The following AGTRAP variants were observed in gnomAD, a reference collection of about 807,000 sequenced individuals.
AGTRAP encodes the protein angiotensin II receptor associated protein.
In AGTRAP, 7 loss-of-function variants were observed where a neutral mutation model predicts 15.2. The ratio of observed to expected loss-of-function variants is 0.46; its 90% CI spans 0.26 to 0.87. The LOEUF (loss-of-function observed/expected upper bound fraction) is 0.87. Among genes scored for constraint, AGTRAP ranks in the 40% least tolerant of loss-of-function variants. AGTRAP has a pLI of 0.15. For missense variants in AGTRAP, 187 were observed against 213.4 expected (o/e 0.88, Z 0.77); for synonymous variants, 74 against 89.6 (o/e 0.83, Z 0.98).
intron 1 of AGTRAP, among the ~76,000 whole-genome samples, chr1:11,743,563 TC>T (rs1642086607): frequency 1.5e-5 from 2 of 137,518 alleles, no homozygotes; most frequent in Non-Finnish European, 3.2e-5. Flanking sequence ...CCTTTTTCTT[TC>T]TTTCCTTTTT....
intron 1 of AGTRAP, among the ~76,000 whole-genome samples, chr1:11,736,630 T>C (rs368596807): frequency 5.9e-5 from 9 of 152,198 alleles, no homozygotes; most frequent in African/African-American, 1.9e-4. Context: ...GGGACTGGGC[T>C]TGCCCCCCGG....
Position 11,739,685 on chromosome 1 carries a change from C to T in AGTRAP, c.27+3450C>T, listed in dbSNP as rs534680204. 2.1e-4 allele frequency among the ~76,000 whole-genome samples: 32 copies of T among 152,346 alleles called. No individual in the cohort carries two copies. The South Asian group carries it at 2.3e-3, about 11-fold the overall frequency. On this transcript the variant is annotated intron_variant, in intron 1 of 4. Coordinates refer to ENST00000314340, the MANE Select transcript of AGTRAP (RefSeq NM_020350.5). ...GCCTCAGTTCTACCCCATACAGTTA[C>T]ACGGATGACATGAGTTAGGGGCAGT...
intron 1 of AGTRAP, among the ~76,000 whole-genome samples, chr1:11,737,003 A>G (rs1264522267): frequency 6.6e-6 from 1 of 152,056 alleles, no homozygotes; most frequent in Non-Finnish European, 1.5e-5. Context: ...CTTGGACCAA[A>G]CCGGCCATTT....
intron 2 of AGTRAP, chr1:11,746,249 A>C: frequency 6.4e-7 from 1 of 1,565,508 alleles, no homozygotes; most frequent in East Asian, 2.3e-5. Context: ...TGTAACCATC[A>C]TGATTCACGA....
At position 11,750,313 on chromosome 1, in the gene AGTRAP, T is replaced by C. The variant is rs1294955941; in HGVS notation, c.*121T>C. 1 of 931,614 alleles carries C rather than the reference T, an allele frequency of 1.1e-6. No homozygotes were observed. Among genetic ancestry groups the C allele is most frequent in the Admixed American group, 2.0e-5 (1 of 50,246 alleles). 57.7% of individuals were successfully genotyped at this position (931,614 alleles called of 1,614,324 possible). On this transcript the variant is annotated 3_prime_UTR_variant, in exon 5 of 5. Transcript: ENST00000314340. ...ATGGAATGTGTCCCCAGCTCAGGGA[T>C]TGCCTGAACCAAGAGGCCAGGAGCC... is the stretch of plus-strand genomic sequence containing the variant.
intron 1 of AGTRAP, among the ~76,000 whole-genome samples, chr1:11,741,036 A>C (rs1642018782): frequency 6.6e-6 from 1 of 151,922 alleles, no homozygotes; most frequent in Non-Finnish European, 1.5e-5. Flanking sequence ...AATCGTCCTC[A>C]TGCCCAGCCC....
At position 11,750,344 on chromosome 1, in the gene AGTRAP, G is replaced by A; in HGVS notation, c.*152G>A. ...GAACCAAGAGGCCAGGAGCCCCCAT[G>A]GGCCGCCCAGTACCATGCACACTCC... On this transcript the variant is annotated 3_prime_UTR_variant, in exon 5 of 5. Transcript: ENST00000314340. The A allele has an allele frequency of 1.3e-6, 1 of 745,118 alleles. No homozygotes were observed. Among genetic ancestry groups the A allele is most frequent in the Non-Finnish European group, 2.3e-6 (1 of 427,174 alleles). The allele number at this position is 745,118 out of a possible 1,614,324, so 46.2% of individuals were successfully genotyped here.
At chr1:11,748,179 A>G (rs17875949) in intron 3 of AGTRAP, among the ~76,000 whole-genome samples, 6,525 of 152,228 alleles carry the variant, frequency 0.043, 366 homozygotes, top group African/African-American at 0.12. Flanking sequence ...ATGACGGGAA[A>G]TGGGTGGGGA....
In AGTRAP at chr1:11,749,963, G is replaced by C. The variant is rs1642273790; in HGVS notation, c.365-114G>C. 6.9e-6 allele frequency: 5 copies of C among 725,624 alleles called. No homozygotes were observed. The Admixed American group carries it at 8.5e-5, about 12-fold the overall frequency. 44.9% of individuals were successfully genotyped at this position (725,624 alleles called of 1,614,324 possible). ...GCTGCTGCCTCTGTCTCTGTGCATG[G>C]TGTCAGGATGCCCAGCCCGAGGGTG... On this transcript the variant is annotated intron_variant, in intron 4 of 4. Coordinates refer to ENST00000314340, the MANE Select transcript of AGTRAP (RefSeq NM_020350.5).
rs1172241429 is a variant in AGTRAP, at chr1:11,747,470, C to G, written c.93C>G (p.Ala31=). ...GCATTGTATTCTCAGGCTCCTATGC[C>G]TGGGCCAACTTCACCATCCTGGCCT... ...WGCIVFSGSY[A]WANFTILALG... is the part of the protein sequence containing the mutation. Residue 31 remains alanine (A), a synonymous_variant, in exon 3 of 5, where the codon GCC becomes GCG. Coordinates refer to ENST00000314340, the MANE Select transcript of AGTRAP (RefSeq NM_020350.5). 6.2e-7 allele frequency: 1 copy of G among 1,614,194 alleles called. No individual in the cohort carries two copies. The highest frequency in any genetic ancestry group is 1.1e-5 in the South Asian group (1 of 91,086).
chr1:11,739,086 G>A (rs1641965640), intron 1 of AGTRAP, among the ~76,000 whole-genome samples: 1 of 152,136 alleles, frequency 6.6e-6, no homozygotes, highest in Non-Finnish European at 1.5e-5. Flanking sequence ...ACAGGCTTTG[G>A]GGGCAGGCAG....
At chr1:11,742,109 G>A (rs1210147711) in intron 1 of AGTRAP, among the ~76,000 whole-genome samples, 3 of 152,236 alleles carry the variant, frequency 2.0e-5, no homozygotes, top group African/African-American at 4.8e-5. Context: ...GTTCCCAGCT[G>A]AAGGCCTGCG....
chr1:11,740,520 T>C (rs1055606384), intron 1 of AGTRAP, among the ~76,000 whole-genome samples: 3 of 152,336 alleles, frequency 2.0e-5, no homozygotes, highest in Admixed American at 6.5e-5. Flanking sequence ...TTACGTTGTT[T>C]TCTTCCCTAA....
chr1:11,750,283 C>T lies in AGTRAP; in HGVS notation c.*91C>T, dbSNP rs781540219. ...TGCTCCTGACCTCCGTCTCTTGGAC[C>T]TAAGATGGAATGTGTCCCCAGCTCA... On this transcript the variant is annotated 3_prime_UTR_variant, in exon 5 of 5. Transcript: ENST00000314340. 1.8e-6 allele frequency: 2 copies of T among 1,114,534 alleles called. No homozygotes were observed. The highest frequency in any genetic ancestry group is 5.0e-5 in the East Asian group (2 of 39,734). 69.0% of individuals were successfully genotyped at this position (1,114,534 alleles called of 1,614,324 possible). A position where few individuals can be genotyped will look rare whatever the true frequency, so the allele number is the denominator to read the frequency against.
intron 1 of AGTRAP, among the ~76,000 whole-genome samples, chr1:11,740,071 C>T (rs959476134): frequency 1.3e-5 from 2 of 152,210 alleles, no homozygotes; most frequent in Admixed American, 6.5e-5. Context: ...GGCTCAGGTC[C>T]GTCCTTCCTG....
intron 1 of AGTRAP, among the ~76,000 whole-genome samples, chr1:11,743,072 G>T (rs1642071603): frequency 6.6e-6 from 1 of 152,064 alleles, no homozygotes; most frequent in African/African-American, 2.4e-5. Context: ...AAGTCTCTGT[G>T]CCACCCCACC....
At chr1:11,736,990 G>A (rs929703749) in intron 1 of AGTRAP, among the ~76,000 whole-genome samples, 4 of 152,298 alleles carry the variant, frequency 2.6e-5, no homozygotes, top group Admixed American at 2.6e-4. Context: ...GGAAGGTGTG[G>A]ACCTTGGACC....
chr1:11,747,364 T>G, intron 2 of AGTRAP, 76 bp from the exon 3 acceptor site: 491 of 1,350,628 alleles, frequency 3.6e-4, no homozygotes, highest in Middle Eastern at 5.4e-4. Flanking sequence ...GAGGAGGCCC[T>G]GAGACGCCGG....
At chr1:11,736,280 G>A (rs773848267) in intron 1 of AGTRAP, 45 bp downstream of exon 1, 6 of 1,593,254 alleles carry the variant, frequency 3.8e-6, no homozygotes, top group African/African-American at 1.3e-5. Context: ...GGAGGAAGTG[G>A]GACATTTGCA....
Sources: allele counts gnomAD v4.1 joint callset (sites outside exome capture counted in the v4.1 genomes callset), GRCh38; gene constraint gnomAD v4.1.1; transcripts MANE v1.5; gene names NCBI Gene and HGNC (gene_info 2026-07-23, HGNC 2026-07-21).